The following NALF1 variants were observed in gnomAD, a reference collection of about 807,000 sequenced individuals.
NALF1 encodes the protein NALCN channel auxiliary factor 1.
In NALF1, 3 loss-of-function variants were observed where a neutral mutation model predicts 48.4. The ratio of observed to expected loss-of-function variants is 0.06; its 90% CI spans 0.03 to 0.16. NALF1 has a LOEUF of 0.16. NALF1 is among the 10% of genes least tolerant of loss of function. The probability of loss-of-function intolerance (pLI) is 1.00; values close to 1 mark genes in which losing one functional copy is unlikely to be tolerated. For missense variants in NALF1, 526 were observed against 571.5 expected (o/e 0.92, Z 0.81); for synonymous variants, 262 against 245.7 (o/e 1.07, Z -0.62).
intron 1 of NALF1, among the ~76,000 whole-genome samples, chr13:107,397,946 A>G (rs1883740254): frequency 6.6e-6 from 1 of 152,164 alleles, no homozygotes; most frequent in Non-Finnish European, 1.5e-5. Flanking sequence ...GGAGTGGTTA[A>G]TATGCTGTTA....
At chr13:107,649,149 C>T (rs1337095202) in intron 1 of NALF1, among the ~76,000 whole-genome samples, 1 of 152,164 alleles carries the variant, frequency 6.6e-6, no homozygotes, top group African/African-American at 2.4e-5. Flanking sequence ...ATTCTCTTAA[C>T]AGCACAGTTT....
At chr13:107,400,691 G>T (rs146144095) in intron 1 of NALF1, among the ~76,000 whole-genome samples, 450 of 150,740 alleles carry the variant, frequency 3.0e-3, no homozygotes, top group African/African-American at 0.011. Flanking sequence ...GTGACAGAGC[G>T]AGACTCTGTC....
At chr13:107,426,448 T>G (rs1884282845) in intron 1 of NALF1, among the ~76,000 whole-genome samples, 1 of 152,210 alleles carries the variant, frequency 6.6e-6, no homozygotes. Context: ...TATTTGAACC[T>G]TCATATGACT....
At chr13:107,588,876 G>A (rs1344950224) in intron 1 of NALF1, among the ~76,000 whole-genome samples, 7 of 152,034 alleles carry the variant, frequency 4.6e-5, no homozygotes, top group African/African-American at 1.7e-4. Context: ...AAATGGCAAC[G>A]CCACAATTTG....
intron 1 of NALF1, among the ~76,000 whole-genome samples, chr13:107,430,444 C>T (rs1351415188): frequency 3.3e-5 from 5 of 152,188 alleles, no homozygotes; most frequent in Non-Finnish European, 5.9e-5. Flanking sequence ...TTCCCCCTCC[C>T]CCTGCTCCCT....
At position 107,166,719 on chromosome 13, in the gene NALF1, C is replaced by G. The variant is rs1326233430; in HGVS notation, c.*3778G>C. 6.6e-6 allele frequency: 1 copy of G among 152,056 alleles called. No homozygotes were observed. Among genetic ancestry groups the G allele is most frequent in the South Asian group, 2.1e-4 (1 of 4,810 alleles). The allele number at this position is 152,056 out of a possible 1,614,324, so 9.4% of individuals were successfully genotyped here. On this transcript the variant is annotated 3_prime_UTR_variant, in exon 3 of 3. Transcript: ENST00000375915. Reference sequence around the variant, plus strand: ...GGAAAAAAGTATGTACTTATTCATTCATATGAAACCTCCTTTCCCCCTCAT... The same window carrying G: ...GGAAAAAAGTATGTACTTATTCATTGATATGAAACCTCCTTTCCCCCTCAT...
intron 1 of NALF1, among the ~76,000 whole-genome samples, chr13:107,668,002 A>T (rs1458847444): frequency 1.3e-5 from 2 of 151,992 alleles, no homozygotes; most frequent in Non-Finnish European, 2.9e-5. Flanking sequence ...ATGGAAAAAT[A>T]TGTGTCCATG....
chr13:107,277,673 CCTT>C (rs544616838), intron 1 of NALF1, among the ~76,000 whole-genome samples: 169 of 152,296 alleles, frequency 1.1e-3, no homozygotes, highest in Middle Eastern at 0.01. Flanking sequence ...CGGCTTCTCT[CCTT>C]CTCCATATTC....
intron 1 of NALF1, among the ~76,000 whole-genome samples, chr13:107,674,789 T>C (rs1211737759): frequency 6.6e-6 from 1 of 152,144 alleles, no homozygotes; most frequent in African/African-American, 2.4e-5. Context: ...GGTTTCTCAA[T>C]TCAGAGACCA....
At chr13:107,695,520 A>G (rs1179336140) in intron 1 of NALF1, among the ~76,000 whole-genome samples, 1 of 152,150 alleles carries the variant, frequency 6.6e-6, no homozygotes, top group Non-Finnish European at 1.5e-5. Flanking sequence ...GATTTTGCTT[A>G]TTCCTTCCTA....
At chr13:107,364,871 G>T (rs1401647625) in intron 1 of NALF1, among the ~76,000 whole-genome samples, 1 of 151,736 alleles carries the variant, frequency 6.6e-6, no homozygotes, top group African/African-American at 2.4e-5. Flanking sequence ...CTGATTCTGT[G>T]AACAACTTCT....
At chr13:107,620,133 C>T (rs150477196) in intron 1 of NALF1, among the ~76,000 whole-genome samples, 18 of 152,212 alleles carry the variant, frequency 1.2e-4, no homozygotes, top group Admixed American at 1.2e-3. Flanking sequence ...AAAAATTCTC[C>T]TCTAGGAGAA....
rs750918492 is a variant in NALF1 at position 107,677,288 on chromosome 13, T to C, written c.915+188394A>G. On this transcript the variant is annotated intron_variant, in intron 1 of 2. Transcript: ENST00000375915. Reference sequence around the variant, plus strand: ...CCCGAACTCCTTACCTCAAGTGATCTGCCTCAGCCTCCCAAAGTGCTGGGA... The same window carrying C: ...CCCGAACTCCTTACCTCAAGTGATCCGCCTCAGCCTCCCAAAGTGCTGGGA... 5.1e-4 allele frequency among the ~76,000 whole-genome samples: 77 copies of C among 152,182 alleles called. 1 individual carries two copies. Among genetic ancestry groups the C allele is most frequent in the Admixed American group, 2.0e-4 (3 of 15,280 alleles).
At chr13:107,507,956 T>C (rs1001840967) in intron 1 of NALF1, among the ~76,000 whole-genome samples, 2 of 152,146 alleles carry the variant, frequency 1.3e-5, no homozygotes, top group African/African-American at 4.8e-5. Context: ...TTGCTAGCCC[T>C]TTCTGCTCCG....
chr13:107,761,222 T>G (rs2138561495), intron 1 of NALF1, among the ~76,000 whole-genome samples: 1 of 152,128 alleles, frequency 6.6e-6, no homozygotes, highest in Admixed American at 6.5e-5. Flanking sequence ...CTGGGCATGG[T>G]GGCAGGCGCC....
chr13:107,481,225 A>G (rs569972522), intron 1 of NALF1, among the ~76,000 whole-genome samples: 1 of 152,306 alleles, frequency 6.6e-6, no homozygotes, highest in East Asian at 1.9e-4. Flanking sequence ...TCATAATGTC[A>G]TTGAGATCAA....
At position 107,428,131 on chromosome 13, in the gene NALF1, C is replaced by T. The variant is rs911872924; in HGVS notation, c.916-217376G>A. The stretch of plus-strand genomic sequence containing the variant: ...GTGAAGTAGAGCAATTTTAATAAAA[C>T]AGAGCTGCCTCTGGCTAGCAAGTGG... On this transcript the variant is annotated intron_variant, in intron 1 of 2. Coordinates refer to ENST00000375915, the MANE Select transcript of NALF1 (RefSeq NM_001080396.3). Among the ~76,000 whole-genome samples, 3 of 152,160 alleles carry T rather than the reference C, an allele frequency of 2.0e-5. No homozygotes were observed. The East Asian group carries it at 5.8e-4, about 29-fold the overall frequency.
chr13:107,698,657 C>G (rs1881749683), intron 1 of NALF1, among the ~76,000 whole-genome samples: 1 of 152,028 alleles, frequency 6.6e-6, no homozygotes, highest in African/African-American at 2.4e-5. Flanking sequence ...TCTCTGAGAT[C>G]AAGACTACAA....
chr13:107,170,632 G>C lies in NALF1; in HGVS notation c.1242C>G (p.Asn414Lys), dbSNP rs1366831694. Reference protein sequence around the residue: ...LTVSSATRLCNSRLKLCVLVL... With the variant: ...LTVSSATRLCKSRLKLCVLVL... ...CAAGAACACACAGCTTGAGTCTGCT[G>C]TTGCACAGTCTTGTTGCTGATGACA... Residue 414 changes from asparagine (N) to lysine (K), a missense_variant, in exon 3 of 3, where the codon AAC becomes AAG. This residue lies in a region of NALF1 where 153 missense variants were observed against 215.9 expected (regional missense o/e 0.71). Transcript: ENST00000375915. The C allele has an allele frequency of 1.9e-6, 3 of 1,614,100 alleles. No homozygotes were observed. The highest frequency in any genetic ancestry group is 2.2e-5 in the East Asian group (1 of 44,890).
Sources: allele counts gnomAD v4.1 joint callset (sites outside exome capture counted in the v4.1 genomes callset), GRCh38; gene constraint gnomAD v4.1.1; regional missense constraint gnomAD v4.1.1; transcripts MANE v1.5; gene names NCBI Gene and HGNC (gene_info 2026-07-23, HGNC 2026-07-21).